ZBTB20: variants seen among roughly 807,000 people sequenced by gnomAD.
The protein encoded by ZBTB20 is zinc finger and BTB domain-containing protein 20.
A neutral mutation model predicts 56.9 loss-of-function variants in ZBTB20; 9 were observed. That is an observed-to-expected ratio of 0.16 (90% CI 0.10 to 0.28). The LOEUF is 0.28. ZBTB20 is among the 10% of genes least tolerant of loss of function. ZBTB20 has a pLI of 1.00. For missense variants in ZBTB20, 655 were observed against 1,003.0 expected, an observed-to-expected ratio of 0.65 and a Z score of 4.69; for synonymous variants, 417 against 420.7, an observed-to-expected ratio of 0.99 and a Z score of 0.11.
intron 6 of ZBTB20, among the ~76,000 whole-genome samples, chr3:114,654,482 ATTTT>A (rs2060291478): frequency 6.6e-6 from 1 of 151,906 alleles, no homozygotes; most frequent in Non-Finnish European, 1.5e-5. Flanking sequence ...CAAGAAGCAT[ATTTT>A]GTAGTATCTC....
At position 114,332,058 on chromosome 3, in the gene ZBTB20, G is replaced by GTTTTTTTTTTTTTTTT. The variant is rs71146316; in HGVS notation, c.*6931_*6946dup. On this transcript the variant is annotated 3_prime_UTR_variant, in exon 12 of 12. Coordinates refer to ENST00000675478, the MANE Select transcript of ZBTB20 (RefSeq NM_001348800.3). ...ACTAGTAGAAACAGATGCCCCCAAG[G>GTTTTTTTTTTTTTTTT]TTTTTTTTTTTTTTTTTTTTTTTTT... The GTTTTTTTTTTTTTTTT allele has an allele frequency of 1.2e-5, 1 of 85,406 alleles. No individual in the cohort carries two copies. Among genetic ancestry groups the GTTTTTTTTTTTTTTTT allele is most frequent in the Non-Finnish European group, 2.3e-5 (1 of 44,042 alleles). The allele number at this position is 85,406 out of a possible 1,614,324, so 5.3% of individuals were successfully genotyped here. A position where few individuals can be genotyped will look rare whatever the true frequency, so the allele number is the denominator to read the frequency against.
intron 10 of ZBTB20, among the ~76,000 whole-genome samples, chr3:114,373,135 C>T (rs1198463225): frequency 2.0e-5 from 3 of 152,106 alleles, no homozygotes; most frequent in Non-Finnish European, 2.9e-5. Flanking sequence ...AGGATGGTCT[C>T]GATCTCTTGA....
chr3:115,068,731 T>A (rs777343749), intron 2 of ZBTB20, among the ~76,000 whole-genome samples: 56 of 152,142 alleles, frequency 3.7e-4, no homozygotes, highest in Non-Finnish European at 6.5e-4. Flanking sequence ...AGAAAGCAAC[T>A]GGGCACTTAA....
chr3:114,647,213 C>T (rs2059895716), intron 6 of ZBTB20, among the ~76,000 whole-genome samples: 2 of 152,168 alleles, frequency 1.3e-5, no homozygotes, highest in African/African-American at 4.8e-5. Flanking sequence ...CCGCCTTGGC[C>T]TCCCAAAATG....
intron 4 of ZBTB20, among the ~76,000 whole-genome samples, chr3:114,881,081 T>G (rs948890967): frequency 4.6e-5 from 7 of 152,054 alleles, no homozygotes; most frequent in Non-Finnish European, 8.8e-5. Flanking sequence ...CTACTTAGAT[T>G]TCACATTTCA....
intron 4 of ZBTB20, among the ~76,000 whole-genome samples, chr3:114,846,605 A>T (rs911858069): frequency 6.6e-6 from 1 of 152,244 alleles, no homozygotes; most frequent in Non-Finnish European, 1.5e-5. Context: ...CTCAATGACA[A>T]GAGGATATGG....
chr3:114,984,366 A>AT (rs2078449960), intron 2 of ZBTB20, among the ~76,000 whole-genome samples: 1 of 152,024 alleles, frequency 6.6e-6, no homozygotes, highest in Non-Finnish European at 1.5e-5. Flanking sequence ...GTAACTAGTC[A>AT]TTTTTTAAAA....
At chr3:114,885,572 CT>C (rs5851939) in intron 4 of ZBTB20, among the ~76,000 whole-genome samples, 18 of 150,564 alleles carry the variant, frequency 1.2e-4, no homozygotes, top group East Asian at 1.9e-4. Flanking sequence ...ATAGTTTCTT[CT>C]TTTTTTTTTT....
chr3:114,488,188 A>G (rs35634438), intron 7 of ZBTB20, among the ~76,000 whole-genome samples: 19,649 of 152,204 alleles, frequency 0.13, 1,538 homozygotes, highest in Non-Finnish European at 0.19. Flanking sequence ...ACTCCCCTGA[A>G]GGGCGGTGAG....
intron 7 of ZBTB20, among the ~76,000 whole-genome samples, chr3:114,484,343 G>A (rs2041874487): frequency 6.6e-6 from 1 of 152,128 alleles, no homozygotes; most frequent in Non-Finnish European, 1.5e-5. Flanking sequence ...ACAGTACATT[G>A]TGTGCTCTGC....
chr3:114,382,175 T>G (rs561186754), intron 8 of ZBTB20, among the ~76,000 whole-genome samples: 36 of 152,364 alleles, frequency 2.4e-4, no homozygotes, highest in Admixed American at 3.3e-4. Context: ...CAGTAAGTTC[T>G]TACAGTTCTG....
intron 1 of ZBTB20, among the ~76,000 whole-genome samples, chr3:115,135,116 C>A (rs190092678): frequency 6.6e-5 from 10 of 152,308 alleles, no homozygotes; most frequent in Non-Finnish European, 8.8e-5. Flanking sequence ...CATATTTACC[C>A]ATGGACTCCA....
chr3:114,453,928 C>CT (rs2091807337), intron 7 of ZBTB20, among the ~76,000 whole-genome samples: 1 of 118,904 alleles, frequency 8.4e-6, no homozygotes, highest in African/African-American at 3.1e-5. Context: ...CACTCCCCCC[C>CT]CCCCCACCCT....
intron 6 of ZBTB20, among the ~76,000 whole-genome samples, chr3:114,570,014 T>G (rs1271635167): frequency 1.3e-5 from 2 of 148,838 alleles, no homozygotes; most frequent in African/African-American, 5.0e-5. Context: ...GATAATAATT[T>G]GTGTTGGCAA....
intron 5 of ZBTB20, among the ~76,000 whole-genome samples, chr3:114,772,703 C>T (rs2069304132): frequency 6.6e-6 from 1 of 151,984 alleles, no homozygotes; most frequent in Non-Finnish European, 1.5e-5. Context: ...ACTCAGAGTA[C>T]TCTAGAAATG....
chr3:115,051,820 C>G (rs1164209532), intron 2 of ZBTB20, among the ~76,000 whole-genome samples: 1 of 152,130 alleles, frequency 6.6e-6, no homozygotes, highest in Non-Finnish European at 1.5e-5. Flanking sequence ...CTTAATAGTT[C>G]CACAGGCTGT....
chr3:114,828,560 A>G (rs2073675521), intron 4 of ZBTB20, among the ~76,000 whole-genome samples: 1 of 151,884 alleles, frequency 6.6e-6, no homozygotes, highest in Non-Finnish European at 1.5e-5. Context: ...ATTTATTTCT[A>G]CATTAAAATA....
chr3:114,735,353 T>C (rs2066069437), intron 5 of ZBTB20, among the ~76,000 whole-genome samples: 1 of 152,134 alleles, frequency 6.6e-6, no homozygotes, highest in African/African-American at 2.4e-5. Context: ...ATATGTATCC[T>C]GCAACTCAAG....
At chr3:114,361,874 A>G (rs536103391) in intron 10 of ZBTB20, among the ~76,000 whole-genome samples, 92 of 152,322 alleles carry the variant, frequency 6.0e-4, no homozygotes, top group Non-Finnish European at 1.2e-3. Flanking sequence ...GGGCTGGGCC[A>G]ATGGTCAACA....
Sources: allele counts gnomAD v4.1 joint callset (sites outside exome capture counted in the v4.1 genomes callset), GRCh38; gene constraint gnomAD v4.1.1; transcripts MANE v1.5; gene names NCBI Gene and HGNC (gene_info 2026-07-23, HGNC 2026-07-21).